Variants in RAD51B observed in about 807,000 individuals in gnomAD.
RAD51B encodes the protein DNA repair protein RAD51 homolog 2.
Under a neutral mutation model 42.2 loss-of-function variants are expected in RAD51B, and 38 were observed. The ratio of observed to expected loss-of-function variants is 0.90; its 90% CI spans 0.70 to 1.18. The LOEUF (loss-of-function observed/expected upper bound fraction) is 1.18. RAD51B is among the 50% of genes most tolerant of loss of function. The probability of loss-of-function intolerance (pLI) is 0.00; values close to 1 mark genes in which losing one functional copy is unlikely to be tolerated. For missense variants in RAD51B, 373 were observed against 400.7 expected (o/e 0.93, Z 0.59); for synonymous variants, 154 against 145.2 (o/e 1.06, Z -0.43).
chr14:68,307,554 G>T (rs10134891), intron 8 of RAD51B, among the ~76,000 whole-genome samples: 2,746 of 152,310 alleles, frequency 0.018, 79 homozygotes, highest in African/African-American at 0.059. Flanking sequence ...TATGTGGGAA[G>T]CCTGTACTTC....
intron 11 of RAD51B, among the ~76,000 whole-genome samples, chr14:68,677,146 C>T (rs1893324203): frequency 6.6e-6 from 1 of 152,150 alleles, no homozygotes. Context: ...CCAGGTCTAT[C>T]TTCCCATATA....
At chr14:68,618,700 A>T (rs1272983004) in intron 10 of RAD51B, among the ~76,000 whole-genome samples, 1 of 152,210 alleles carries the variant, frequency 6.6e-6, no homozygotes, top group Non-Finnish European at 1.5e-5. Flanking sequence ...CCATAGGCAG[A>T]TCACTTTACT....
chr14:68,215,906 T>A (rs1200662522), intron 7 of RAD51B, among the ~76,000 whole-genome samples: 1 of 152,236 alleles, frequency 6.6e-6, no homozygotes, highest in African/African-American at 2.4e-5. Flanking sequence ...TTATGGGATT[T>A]TTTTAAGTGC....
At chr14:68,279,740 A>G (rs903222168) in intron 7 of RAD51B, among the ~76,000 whole-genome samples, 1 of 152,210 alleles carries the variant, frequency 6.6e-6, no homozygotes, top group African/African-American at 2.4e-5. Context: ...TACAAATATC[A>G]TTTCAAATAG....
chr14:67,942,608 T>C (rs1421239565), intron 7 of RAD51B, among the ~76,000 whole-genome samples: 3 of 152,146 alleles, frequency 2.0e-5, no homozygotes, highest in African/African-American at 7.2e-5. Context: ...TTGAGAAATA[T>C]GGTGGCAGAC....
intron 9 of RAD51B, among the ~76,000 whole-genome samples, chr14:68,414,734 T>A (rs2084507682): frequency 6.6e-6 from 1 of 151,530 alleles, no homozygotes; most frequent in Admixed American, 6.6e-5. Flanking sequence ...AAATCAGTGA[T>A]TCTCGGCAGG....
intron 7 of RAD51B, among the ~76,000 whole-genome samples, chr14:67,969,083 T>C (rs762672244): frequency 2.6e-5 from 4 of 152,140 alleles, no homozygotes; most frequent in African/African-American, 7.2e-5. Context: ...ATGAGACTTA[T>C]TCACTATCAC....
At position 67,991,209 on chromosome 14, in the gene RAD51B, T is replaced by G. The variant is rs141392804; in HGVS notation, c.756+104005T>G. ...AGGAAGATGGAGGAGAGAAAGCAGA[T>G]CACAGACCCTAAACATCTGTAGGTT... On this transcript the variant is annotated intron_variant, in intron 7 of 10. Transcript: ENST00000471583. Among the ~76,000 whole-genome samples the G allele has an allele frequency of 8.0e-3, 1,219 of 152,286 alleles. 14 individuals carry two copies. The highest frequency in any genetic ancestry group is 0.027 in the African/African-American group (1,142 of 41,552).
intron 7 of RAD51B, among the ~76,000 whole-genome samples, chr14:68,188,547 A>G (rs1196620281): frequency 6.6e-6 from 1 of 152,194 alleles, no homozygotes; most frequent in Non-Finnish European, 1.5e-5. Context: ...TAGCCAATCC[A>G]TTACTTGTGA....
At chr14:68,124,817 C>G (rs569033969) in intron 7 of RAD51B, among the ~76,000 whole-genome samples, 2 of 151,736 alleles carry the variant, frequency 1.3e-5, no homozygotes, top group African/African-American at 4.8e-5. Context: ...CTGGGCATGG[C>G]GGGCACCTGT....
At chr14:68,351,346 A>C (rs1457358055) in intron 8 of RAD51B, among the ~76,000 whole-genome samples, 1 of 152,228 alleles carries the variant, frequency 6.6e-6, no homozygotes, top group Non-Finnish European at 1.5e-5. Flanking sequence ...AAAAGTGTTG[A>C]GGGAGAATGG....
intron 4 of RAD51B, among the ~76,000 whole-genome samples, chr14:67,836,554 T>A (rs1259086632): frequency 6.6e-6 from 1 of 151,876 alleles, no homozygotes; most frequent in African/African-American, 2.4e-5. Context: ...GGCACAATCT[T>A]GGCTTACTGC....
intron 5 of RAD51B, among the ~76,000 whole-genome samples, chr14:67,875,688 T>C (rs1275062629): frequency 6.6e-6 from 1 of 152,178 alleles, no homozygotes; most frequent in Non-Finnish European, 1.5e-5. Context: ...GTTCGCACAA[T>C]AGTGAAATTG....
intron 7 of RAD51B, among the ~76,000 whole-genome samples, chr14:67,921,236 G>A (rs543483117): frequency 1.3e-5 from 2 of 152,214 alleles, no homozygotes; most frequent in South Asian, 4.1e-4. Flanking sequence ...GTCAGACAGG[G>A]TATCTCTGTT....
intron 4 of RAD51B, among the ~76,000 whole-genome samples, chr14:67,840,189 C>T (rs1209969509): frequency 2.0e-5 from 3 of 152,080 alleles, no homozygotes; most frequent in Non-Finnish European, 2.9e-5. Context: ...TGGTATATTG[C>T]GTGATGCTGA....
At chr14:68,393,076 C>T (rs1467973372) in intron 8 of RAD51B, among the ~76,000 whole-genome samples, 1 of 152,192 alleles carries the variant, frequency 6.6e-6, no homozygotes, top group Non-Finnish European at 1.5e-5. Flanking sequence ...ATCAGGCTCA[C>T]TTGAGTGTTA....
At chr14:68,303,160 T>C (rs2081782201) in intron 8 of RAD51B, among the ~76,000 whole-genome samples, 1 of 152,222 alleles carries the variant, frequency 6.6e-6, no homozygotes, top group Non-Finnish European at 1.5e-5. Flanking sequence ...GATGAGCTCA[T>C]GTCCTTTGCA....
At chr14:68,038,839 G>A (rs1318109967) in intron 7 of RAD51B, among the ~76,000 whole-genome samples, 1 of 151,918 alleles carries the variant, frequency 6.6e-6, no homozygotes, top group Non-Finnish European at 1.5e-5. Flanking sequence ...TAAAAACAAA[G>A]ATAATACTCA....
At chr14:68,415,703 G>T (rs955219206) in intron 9 of RAD51B, among the ~76,000 whole-genome samples, 1 of 152,304 alleles carries the variant, frequency 6.6e-6, no homozygotes, top group African/African-American at 2.4e-5. Flanking sequence ...CTATTACAAA[G>T]TGCCTTCTAG....
Sources: gnomAD v4.1 joint callset for allele counts (sites outside exome capture counted in the v4.1 genomes callset) on GRCh38, gnomAD v4.1.1 for gene constraint, MANE v1.5 for transcripts, NCBI Gene and HGNC (gene_info 2026-07-23, HGNC 2026-07-21) for gene names.